The following MAP3K4 variants were observed in gnomAD, a reference collection of about 807,000 sequenced individuals.
MAP3K4 encodes mitogen-activated protein kinase kinase kinase 4.
MAP3K4 carries 67 observed loss-of-function variants against 185.6 expected under a neutral mutation model. The ratio of observed to expected loss-of-function variants is 0.36; its 90% confidence interval spans 0.30 to 0.44. MAP3K4 has a LOEUF of 0.44. MAP3K4 is among the 20% of genes least tolerant of loss of function. The pLI is 1.00. For synonymous variants in MAP3K4, 702 were observed against 710.4 expected (o/e 0.99, Z 0.19); for missense variants, 1,551 against 1,995.1 (o/e 0.78, Z 4.24).
rs1783608831 is a variant in MAP3K4, at chr6:161,044,000, ATTTG to A, written c.344-4610_344-4607del. ...TTTTAGTTGTAGATGGTGGGAATTC[ATTTG>A]TTTGTCTTATATCCGTCAGATGAAC... On this transcript the variant is annotated intron_variant, in intron 2 of 26. Coordinates refer to ENST00000392142, the MANE Select transcript of MAP3K4 (RefSeq NM_005922.4). This position sits in a 1 kb window ranked among gnomAD's most constrained non-coding sequence, Gnocchi z 4.3. Among the ~76,000 whole-genome samples, 1 of 152,188 alleles carries A rather than the reference ATTTG, an allele frequency of 6.6e-6. No individual in the cohort carries two copies. The highest frequency in any genetic ancestry group is 2.4e-5 in the African/African-American group (1 of 41,454).
At chr6:161,012,609 G>A (rs1781900675) in intron 1 of MAP3K4, among the ~76,000 whole-genome samples, 1 of 152,136 alleles carries the variant, frequency 6.6e-6, no homozygotes, top group Admixed American at 6.5e-5. Flanking sequence ...TTTCAGATAA[G>A]GGAGGTGAGC....
intron 25 of MAP3K4, among the ~76,000 whole-genome samples, chr6:161,113,892 G>A (rs1187633020): frequency 6.9e-6 from 1 of 145,892 alleles, no homozygotes; most frequent in East Asian, 2.0e-4. Context: ...CCGCCTCCCG[G>A]GTTCAAGCAA....
At chr6:161,016,268 A>C (rs2115096366) in intron 1 of MAP3K4, among the ~76,000 whole-genome samples, 1 of 152,282 alleles carries the variant, frequency 6.6e-6, no homozygotes, top group Admixed American at 6.5e-5. Context: ...TATTAGATAC[A>C]TGATTTGCAA....
chr6:161,090,643 G>GCAT (rs1459314978), intron 11 of MAP3K4, among the ~76,000 whole-genome samples: 51 of 34,886 alleles, frequency 1.5e-3, no homozygotes, highest in East Asian at 0.011. Flanking sequence ...GATGTTTAGA[G>GCAT]CCAGGGCAGG....
At position 161,087,819 on chromosome 6, in the gene MAP3K4, C is replaced by T. The variant is rs1301108508; in HGVS notation, c.2688C>T (p.Leu896=). Residue 896 remains leucine, a synonymous_variant, in exon 10 of 27, where the codon CTC becomes CTT. Transcript: ENST00000392142. The surrounding 1 kb of genome is among the most constrained non-coding windows in gnomAD (Gnocchi z 4.9). ...KDCSKDSDDV[L]IDAYLLLTKH... ...GTTCAAAAGATTCAGATGACGTACT[C>T]ATCGATGCCTATCTGCTTCTGACCA... is the stretch of plus-strand genomic sequence containing the variant. 1.2e-6 allele frequency: 2 copies of T among 1,614,034 alleles called. No individual in the cohort carries two copies. The highest frequency in any genetic ancestry group is 8.5e-7 in the Non-Finnish European group (1 of 1,180,042).
In MAP3K4 at chr6:161,048,599, A is replaced by G; in HGVS notation, c.344-17A>G. On this transcript the variant is annotated splice_polypyrimidine_tract_variant and intron_variant, in intron 2 of 26. Coordinates refer to ENST00000392142, the MANE Select transcript of MAP3K4 (RefSeq NM_005922.4). The surrounding 1 kb of genome is among the most constrained non-coding windows in gnomAD (Gnocchi z 4.7). ...TTTAGAGTTATATAATGTTCTGTTTATTTTTTTTTTTAATAGAAAAAATGA... is the reference window on the plus strand; with the variant it reads ...TTTAGAGTTATATAATGTTCTGTTTGTTTTTTTTTTTAATAGAAAAAATGA... The G allele has an allele frequency of 8.4e-7, 1 of 1,183,524 alleles. No homozygotes were observed. Among genetic ancestry groups the G allele is most frequent in the Non-Finnish European group, 1.2e-6 (1 of 867,904 alleles). 73.3% of individuals were successfully genotyped at this position (1,183,524 alleles called of 1,614,324 possible). A position where few individuals can be genotyped will look rare whatever the true frequency, so the allele number is the denominator to read the frequency against.
At position 161,107,048 on chromosome 6, in the gene MAP3K4, G is replaced by GCACACACACACACACA. The variant is rs1168768049; in HGVS notation, c.4048+344_4048+345insACACACACACACACAC. Among the ~76,000 whole-genome samples the GCACACACACACACACA allele has an allele frequency of 2.1e-5, 3 of 141,002 alleles. No homozygotes were observed. The highest frequency in any genetic ancestry group is 7.6e-5 in the African/African-American group (3 of 39,218). 92.5% of individuals were successfully genotyped at this position (141,002 alleles called of 152,430 possible). ...TCTCTCTCTCTCTCTACACACGCGCGCGCACACACACACACACACACACAC... is the reference window on the plus strand; with the variant it reads ...TCTCTCTCTCTCTCTACACACGCGCGCACACACACACACACACGCACACACACACACACACACACAC... On this transcript the variant is annotated intron_variant, in intron 20 of 26. Transcript: ENST00000392142. This position sits in a 1 kb window ranked among gnomAD's most constrained non-coding sequence, Gnocchi z 6.2.
intron 2 of MAP3K4, among the ~76,000 whole-genome samples, chr6:161,046,127 T>C (rs1783718173): frequency 6.6e-6 from 1 of 152,164 alleles, no homozygotes; most frequent in Non-Finnish European, 1.5e-5. Flanking sequence ...ACTGAACTCA[T>C]TTTCTTTACC....
rs1783215652 is a variant in MAP3K4, at chr6:161,037,325, C to T, written c.343+2876C>T. On this transcript the variant is annotated intron_variant, in intron 2 of 26. Coordinates refer to ENST00000392142, the MANE Select transcript of MAP3K4 (RefSeq NM_005922.4). The surrounding 1 kb of genome is among the most constrained non-coding windows in gnomAD (Gnocchi z 4.2). Reference sequence around the variant, plus strand: ...TCTTCTGCGTATGCAGCCTCCATATCTCGTTTCTCTATCTGTAAAATCATC... The same window carrying T: ...TCTTCTGCGTATGCAGCCTCCATATTTCGTTTCTCTATCTGTAAAATCATC... Among the ~76,000 whole-genome samples, 2 of 152,196 alleles carry T rather than the reference C, an allele frequency of 1.3e-5. No homozygotes were observed. Among genetic ancestry groups the T allele is most frequent in the Non-Finnish European group, 2.9e-5 (2 of 68,056 alleles).
At chr6:161,090,058 G>A (rs1295346539) in intron 11 of MAP3K4, among the ~76,000 whole-genome samples, 1 of 152,138 alleles carries the variant, frequency 6.6e-6, no homozygotes, top group East Asian at 1.9e-4. Context: ...CATCAGTTAT[G>A]TCTTCTCACT....
chr6:161,024,546 CTT>C, intron 1 of MAP3K4, among the ~76,000 whole-genome samples: 1 of 152,130 alleles, frequency 6.6e-6, no homozygotes, highest in Non-Finnish European at 1.5e-5. Flanking sequence ...GTTTCTCACA[CTT>C]TGTTTTTGAT....
chr6:161,058,757 GAT>G (rs148494924), intron 3 of MAP3K4, among the ~76,000 whole-genome samples: 127 of 145,546 alleles, frequency 8.7e-4, no homozygotes, highest in Admixed American at 1.4e-3. Context: ...TGTCCTTGTA[GAT>G]ATATATATAT....
In MAP3K4 at chr6:161,049,770, G is replaced by C; in HGVS notation, c.1498G>C (p.Glu500Gln). Residue 500 changes from glutamate (E) to glutamine (Q), a missense_variant, in exon 3 of 27, where the codon GAG (glutamate) becomes CAG (glutamine). Physicochemically the swap from Glu to Gln is conservative, Grantham distance 29. Around this residue, in one of 16 missense-constraint regions of MAP3K4, gnomAD observed 126 missense variants for 112.8 expected, o/e 1.12. Transcript: ENST00000392142. This position sits in a 1 kb window ranked among gnomAD's most constrained non-coding sequence, Gnocchi z 8.4. ...CAAGAAGCTTGAGAGGCTCGAATCT[G>C]AGGATGATTCTCTTGGCTGGGGAGC... is the stretch of plus-strand genomic sequence containing the variant. ...ISKKLERLESEDDSLGWGAPD... is the reference protein window; with the variant it reads ...ISKKLERLESQDDSLGWGAPD... 6.2e-7 allele frequency: 1 copy of C among 1,614,148 alleles called. No individual in the cohort carries two copies. Among genetic ancestry groups the C allele is most frequent in the Non-Finnish European group, 8.5e-7 (1 of 1,180,016 alleles).
At chr6:161,025,002 T>TCCATCCATCCATCCAC (rs1193052501) in intron 1 of MAP3K4, among the ~76,000 whole-genome samples, 1 of 148,006 alleles carries the variant, frequency 6.8e-6, no homozygotes, top group Non-Finnish European at 1.5e-5. Context: ...CACCCAGCCA[T>TCCATCCATCCATCCAC]CCATCCATCC....
At chr6:161,045,104 C>T (rs1296397424) in intron 2 of MAP3K4, among the ~76,000 whole-genome samples, 4 of 152,098 alleles carry the variant, frequency 2.6e-5, no homozygotes, top group African/African-American at 9.7e-5. Context: ...ATCCTTTTTG[C>T]ACAGTAGCTA....
rs1783093024 is a variant in MAP3K4 at position 161,034,905 on chromosome 6, G to T, written c.343+456G>T. Among the ~76,000 whole-genome samples the T allele has an allele frequency of 6.6e-6, 1 of 152,136 alleles. No homozygotes were observed. The highest frequency in any genetic ancestry group is 2.1e-4 in the South Asian group (1 of 4,820). ...GGTGCCCCGGGGTGCTATCTTTAGT[G>T]TGTAGGGCTCTCTTTTTCATACTAA... On this transcript the variant is annotated intron_variant, in intron 2 of 26. Transcript: ENST00000392142. The surrounding 1 kb of genome is among the most constrained non-coding windows in gnomAD (Gnocchi z 4.4).
intron 3 of MAP3K4, among the ~76,000 whole-genome samples, chr6:161,058,727 C>T (rs1267118823): frequency 6.6e-6 from 1 of 151,764 alleles, no homozygotes; most frequent in Non-Finnish European, 1.5e-5. Context: ...GGGTTTCCCC[C>T]GTGTTGTCTA....
Position 161,087,637 on chromosome 6 carries a change from A to G in MAP3K4, c.2557-51A>G, listed in dbSNP as rs1173747879. The G allele has an allele frequency of 2.5e-6, 4 of 1,591,202 alleles. No individual in the cohort carries two copies. Among genetic ancestry groups the G allele is most frequent in the South Asian group, 1.1e-5 (1 of 89,768 alleles). ...TTCCTAGGTTTGTTTTAAATAACCT[A>G]TTTCTCTAATGTACAGTGTTCCTTA... On this transcript the variant is annotated intron_variant, in intron 9 of 26. Coordinates refer to ENST00000392142, the MANE Select transcript of MAP3K4 (RefSeq NM_005922.4). The surrounding 1 kb of genome is among the most constrained non-coding windows in gnomAD (Gnocchi z 4.9).
chr6:161,007,803 T>C lies in MAP3K4; in HGVS notation c.152+15720T>C, dbSNP rs538435465. On this transcript the variant is annotated intron_variant, in intron 1 of 26. Coordinates refer to ENST00000392142, the MANE Select transcript of MAP3K4 (RefSeq NM_005922.4). The surrounding 1 kb of genome is among the most constrained non-coding windows in gnomAD (Gnocchi z 4.5). ...TAATGTTTCATCAAACATAAAAGGC[T>C]GTCAATTGTAATATGCAGCATAAAT... is the stretch of plus-strand genomic sequence containing the variant. 6.6e-6 allele frequency among the ~76,000 whole-genome samples: 1 copy of C among 152,346 alleles called. No individual in the cohort carries two copies. The highest frequency in any genetic ancestry group is 2.1e-4 in the South Asian group (1 of 4,824).
Sources: allele counts gnomAD v4.1 joint callset (sites outside exome capture counted in the v4.1 genomes callset), GRCh38; gene constraint gnomAD v4.1.1; regional missense constraint gnomAD v4.1.1; non-coding constraint Gnocchi (gnomAD v3.1); transcripts MANE v1.5; gene names NCBI Gene and HGNC (gene_info 2026-07-23, HGNC 2026-07-21).